Variants in RAB3C observed in about 807,000 individuals in gnomAD.
RAB3C encodes RAB3C, member RAS oncogene family.
A neutral mutation model predicts 26.4 loss-of-function variants in RAB3C; 17 were observed. The observed-to-expected ratio is 0.64, with a 90% confidence interval of 0.44 to 0.97. The LOEUF is 0.97. Among genes scored for constraint, RAB3C ranks in the 50% least tolerant of loss-of-function variants. The probability of loss-of-function intolerance (pLI) is 0.00; values close to 1 mark genes in which losing one functional copy is unlikely to be tolerated. For missense variants in RAB3C, 242 were observed against 281.9 expected (o/e 0.86, Z 1.01); for synonymous variants, 91 against 95.9 (o/e 0.95, Z 0.30).
At chr5:58,847,463 G>A (rs983436457) in intron 4 of RAB3C, among the ~76,000 whole-genome samples, 2 of 152,174 alleles carry the variant, frequency 1.3e-5, no homozygotes, top group Non-Finnish European at 1.5e-5. Context: ...AGATTTCTCA[G>A]AACAAGCTCA....
At chr5:58,829,819 C>T (rs1743573779) in intron 4 of RAB3C, among the ~76,000 whole-genome samples, 2 of 152,108 alleles carry the variant, frequency 1.3e-5, no homozygotes, top group Admixed American at 1.3e-4. Context: ...TCTGAAAGTA[C>T]AAAATATTCT....
At chr5:58,773,763 T>C (rs986755877) in intron 3 of RAB3C, among the ~76,000 whole-genome samples, 12 of 152,094 alleles carry the variant, frequency 7.9e-5, no homozygotes, top group Non-Finnish European at 1.6e-4. Context: ...GGCTGATCAG[T>C]TGATCCCATC....
rs370091627 is a variant in RAB3C at position 58,761,063 on chromosome 5, T to TCTCACACACACA, written c.371+34944_371+34945insTCACACACACAC. Among the ~76,000 whole-genome samples the TCTCACACACACA allele has an allele frequency of 3.1e-3, 444 of 144,804 alleles. 3 individuals carry two copies. Among genetic ancestry groups the TCTCACACACACA allele is most frequent in the East Asian group, 0.022 (107 of 4,902 alleles). 95.0% of individuals were successfully genotyped at this position (144,804 alleles called of 152,430 possible). A position where few individuals can be genotyped will look rare whatever the true frequency, so the allele number is the denominator to read the frequency against. ...CTCTCTCTCTCCCTCTCTCTCTCTC[T>TCTCACACACACA]CACACACACACACACACACACACAC... On this transcript the variant is annotated intron_variant, in intron 3 of 4. Transcript: ENST00000282878.
rs565648627 is a variant in RAB3C at position 58,803,108 on chromosome 5, A to G, written c.372-21930A>G. On this transcript the variant is annotated intron_variant, in intron 3 of 4. Coordinates refer to ENST00000282878, the MANE Select transcript of RAB3C (RefSeq NM_138453.4). ...ATATTGAGCTATGTAGAGGCTGGGA[A>G]ATGGTGTCTGGCTGGTGACCATGCC... Among the ~76,000 whole-genome samples, 150 of 152,316 alleles carry G rather than the reference A, an allele frequency of 9.8e-4. 1 individual carries two copies. Among genetic ancestry groups the G allele is most frequent in the African/African-American group, 3.3e-3 (139 of 41,568 alleles).
chr5:58,818,741 T>C (rs1014108747), intron 3 of RAB3C, among the ~76,000 whole-genome samples: 1 of 152,216 alleles, frequency 6.6e-6, no homozygotes, highest in Non-Finnish European at 1.5e-5. Flanking sequence ...AGCCACTCGC[T>C]TTCAGTGTGT....
At chr5:58,717,838 A>G (rs759919191) in intron 2 of RAB3C, among the ~76,000 whole-genome samples, 3 of 152,076 alleles carry the variant, frequency 2.0e-5, no homozygotes, top group Non-Finnish European at 4.4e-5. Context: ...ACTCTTGCAC[A>G]AAAGCCGATC....
intron 2 of RAB3C, among the ~76,000 whole-genome samples, chr5:58,693,336 G>GTATATATATATATATA (rs61291213): frequency 1.1e-4 from 12 of 111,772 alleles, no homozygotes; most frequent in African/African-American, 4.5e-4. Context: ...ATATATATGT[G>GTATATATATATATATA]TATATATATA....
chr5:58,754,283 A>T (rs536732723), intron 3 of RAB3C, among the ~76,000 whole-genome samples: 25 of 152,298 alleles, frequency 1.6e-4, no homozygotes, highest in African/African-American at 6.0e-4. Context: ...CTGTCACTAA[A>T]TAATGTATGT....
At chr5:58,766,454 A>C (rs1388611333) in intron 3 of RAB3C, among the ~76,000 whole-genome samples, 1 of 152,204 alleles carries the variant, frequency 6.6e-6, no homozygotes, top group Non-Finnish European at 1.5e-5. Flanking sequence ...AGATTAATAC[A>C]TACGGAAATA....
At chr5:58,596,926 A>G (rs1191018663) in intron 1 of RAB3C, among the ~76,000 whole-genome samples, 1 of 96,074 alleles carries the variant, frequency 1.0e-5, no homozygotes, top group Non-Finnish European at 1.8e-5. Context: ...TACATAATAT[A>G]TTATATATAA....
At chr5:58,696,817 T>C (rs1207498614) in intron 2 of RAB3C, among the ~76,000 whole-genome samples, 2 of 152,194 alleles carry the variant, frequency 1.3e-5, no homozygotes, top group African/African-American at 4.8e-5. Flanking sequence ...TCTCTTTCCT[T>C]CTTTATTAGT....
At chr5:58,713,583 G>A (rs1054659009) in intron 2 of RAB3C, among the ~76,000 whole-genome samples, 6 of 152,172 alleles carry the variant, frequency 3.9e-5, no homozygotes, top group African/African-American at 7.2e-5. Flanking sequence ...ATTTTAAAAT[G>A]AACATGTTTA....
At chr5:58,800,631 C>T (rs1742785460) in intron 3 of RAB3C, among the ~76,000 whole-genome samples, 1 of 152,184 alleles carries the variant, frequency 6.6e-6, no homozygotes, top group South Asian at 2.1e-4. Context: ...TTTGTGCTGC[C>T]TGTCAGCTGC....
chr5:58,834,773 G>A (rs1743698607), intron 4 of RAB3C, among the ~76,000 whole-genome samples: 1 of 152,162 alleles, frequency 6.6e-6, no homozygotes, highest in Non-Finnish European at 1.5e-5. Context: ...TGTTTGGGTT[G>A]GTTTAGGTGT....
chr5:58,609,120 C>T (rs1746636620), intron 1 of RAB3C, among the ~76,000 whole-genome samples: 1 of 152,102 alleles, frequency 6.6e-6, no homozygotes, highest in South Asian at 2.1e-4. Flanking sequence ...AGCAAACCAA[C>T]ATGGCACATG....
At chr5:58,622,395 C>T (rs1317449993) in intron 2 of RAB3C, among the ~76,000 whole-genome samples, 2 of 151,896 alleles carry the variant, frequency 1.3e-5, no homozygotes, top group African/African-American at 4.8e-5. Context: ...ATCAGTGAGG[C>T]CCCAAATGTC....
At chr5:58,756,387 C>CATATATATATATATAT (rs71604764) in intron 3 of RAB3C, among the ~76,000 whole-genome samples, 4 of 132,056 alleles carry the variant, frequency 3.0e-5, no homozygotes, top group African/African-American at 8.6e-5. Context: ...TACTATATAA[C>CATATATATATATATAT]ATATATATAT....
At chr5:58,675,789 T>C (rs1441881022) in intron 2 of RAB3C, among the ~76,000 whole-genome samples, 2 of 152,128 alleles carry the variant, frequency 1.3e-5, no homozygotes, top group African/African-American at 4.8e-5. Context: ...GATGAATGTA[T>C]CTTCTAAGCT....
intron 2 of RAB3C, among the ~76,000 whole-genome samples, chr5:58,718,060 A>G (rs1406210434): frequency 6.6e-6 from 1 of 152,090 alleles, no homozygotes; most frequent in East Asian, 1.9e-4. Flanking sequence ...TGTTCTGTGA[A>G]GAAAAACAAT....
Sources: allele counts gnomAD v4.1 joint callset (sites outside exome capture counted in the v4.1 genomes callset), GRCh38; gene constraint gnomAD v4.1.1; transcripts MANE v1.5; gene names NCBI Gene and HGNC (gene_info 2026-07-23, HGNC 2026-07-21).